STIM2: variants seen among roughly 807,000 people sequenced by gnomAD.
STIM2 encodes stromal interaction molecule 2.
A neutral mutation model predicts 85.8 loss-of-function variants in STIM2; 31 were observed. The ratio of observed to expected loss-of-function variants is 0.36; its 90% CI spans 0.27 to 0.49. The LOEUF (loss-of-function observed/expected upper bound fraction) is 0.49, where lower values mean the gene tolerates loss of function less well. Ranked by LOEUF, STIM2 falls within the 20% of genes least tolerant of loss-of-function variation. The pLI, the probability that STIM2 is intolerant of heterozygous loss-of-function variation, is 0.98. For synonymous variants in STIM2, 356 were observed against 331.1 expected (o/e 1.08, Z -0.82); for missense variants, 841 against 927.6 (o/e 0.91, Z 1.21).
chr4:26,872,499 C>A (rs1477302220), intron 1 of STIM2, among the ~76,000 whole-genome samples: 1 of 151,992 alleles, frequency 6.6e-6, no homozygotes, highest in African/African-American at 2.4e-5. Context: ...ACTTCAACAG[C>A]TAAAAATAAC....
At chr4:26,980,091 A>G (rs528490888) in intron 3 of STIM2, among the ~76,000 whole-genome samples, 2 of 152,314 alleles carry the variant, frequency 1.3e-5, no homozygotes, top group East Asian at 1.9e-4. Context: ...AATAGAATGC[A>G]AGGATCATAA....
chr4:26,897,667 A>G (rs1262359718), intron 1 of STIM2, among the ~76,000 whole-genome samples: 1 of 152,222 alleles, frequency 6.6e-6, no homozygotes, highest in African/African-American at 2.4e-5. Flanking sequence ...AGGACATTTG[A>G]AAACTGTAAC....
intron 3 of STIM2, among the ~76,000 whole-genome samples, chr4:26,963,849 A>T (rs2109098548): frequency 6.6e-6 from 1 of 152,350 alleles, no homozygotes; most frequent in South Asian, 2.1e-4. Flanking sequence ...AATAAGCATA[A>T]TTTACACAAG....
intron 3 of STIM2, among the ~76,000 whole-genome samples, chr4:26,963,800 A>C (rs1328714898): frequency 6.6e-6 from 1 of 152,236 alleles, no homozygotes; most frequent in East Asian, 1.9e-4. Flanking sequence ...ACAAGTTAGC[A>C]CATTAAAATG....
chr4:27,002,479 C>G (rs2109131776), intron 6 of STIM2, 85 bp downstream of exon 6: 1 of 1,056,552 alleles, frequency 9.5e-7, no homozygotes, highest in Non-Finnish European at 1.4e-6. Flanking sequence ...TAAATACTTA[C>G]ATTTAGGTTA....
intron 1 of STIM2, among the ~76,000 whole-genome samples, chr4:26,864,098 C>T (rs776868493): frequency 5.3e-4 from 81 of 152,048 alleles, no homozygotes; most frequent in Admixed American, 1.0e-3. Flanking sequence ...TACAAATCAT[C>T]CAAATAAACA....
At chr4:26,903,399 C>T (rs542043740) in intron 1 of STIM2, among the ~76,000 whole-genome samples, 13 of 152,186 alleles carry the variant, frequency 8.5e-5, no homozygotes, top group African/African-American at 2.9e-4. Context: ...ACTAGCTGAA[C>T]GGTTTTGTTA....
chr4:27,016,060 TC>T (rs1188950656), intron 10 of STIM2, among the ~76,000 whole-genome samples: 2 of 152,128 alleles, frequency 1.3e-5, no homozygotes, highest in Non-Finnish European at 2.9e-5. Context: ...AGATCTGCCT[TC>T]TAGCTTACTA....
At chr4:26,873,381 C>T (rs1160034026) in intron 1 of STIM2, among the ~76,000 whole-genome samples, 1 of 150,926 alleles carries the variant, frequency 6.6e-6, no homozygotes, top group Non-Finnish European at 1.5e-5. Flanking sequence ...GCCTGGGTGA[C>T]AGAGTGAGAC....
chr4:27,012,124 C>G (rs970606582), intron 10 of STIM2, among the ~76,000 whole-genome samples: 1 of 152,046 alleles, frequency 6.6e-6, no homozygotes, highest in Non-Finnish European at 1.5e-5. Flanking sequence ...TCCATAGATA[C>G]ATAAGTGCTC....
chr4:26,932,957 A>G (rs1725257570), intron 2 of STIM2, among the ~76,000 whole-genome samples: 1 of 152,330 alleles, frequency 6.6e-6, no homozygotes, highest in Non-Finnish European at 1.5e-5. Context: ...TAAAGAATCA[A>G]TGTGTACATG....
At chr4:26,938,026 TAATTTAAATAGCTTA>T (rs1049897786) in intron 2 of STIM2, among the ~76,000 whole-genome samples, 2 of 141,160 alleles carry the variant, frequency 1.4e-5, no homozygotes, top group East Asian at 1.9e-4. Context: ...AATAGCTTAA[TAATTTAAATAGCTTA>T]AATTTAAATA....
intron 2 of STIM2, among the ~76,000 whole-genome samples, chr4:26,937,516 A>C (rs1406538206): frequency 1.3e-5 from 2 of 152,210 alleles, no homozygotes; most frequent in Non-Finnish European, 2.9e-5. Flanking sequence ...TTTGATGAGT[A>C]CAGACCTGTT....
intron 1 of STIM2, among the ~76,000 whole-genome samples, chr4:26,910,484 AC>A (rs1277039468): frequency 6.6e-6 from 1 of 152,156 alleles, no homozygotes; most frequent in African/African-American, 2.4e-5. Flanking sequence ...AGATCATGCC[AC>A]TGCACTCCAG....
rs558219159 is a variant in STIM2 at position 26,991,941 on chromosome 4, T to G, written c.398-3438T>G. Among the ~76,000 whole-genome samples the G allele has an allele frequency of 1.7e-4, 26 of 152,176 alleles. No homozygotes were observed. The East Asian group carries it at 5.0e-3, about 30-fold the overall frequency. On this transcript the variant is annotated intron_variant, in intron 3 of 11. Coordinates refer to ENST00000467087, the MANE Select transcript of STIM2 (RefSeq NM_020860.4). Reference sequence around the variant, plus strand: ...GCTGGCATTTCTGTAGCTCTGCAGATTGGGAAAGATACCTTTAAAAGGAAT... The same window carrying G: ...GCTGGCATTTCTGTAGCTCTGCAGAGTGGGAAAGATACCTTTAAAAGGAAT...
rs73813261 is a variant in STIM2 at position 27,000,733 on chromosome 4, A to G, written c.625+1386A>G. The stretch of plus-strand genomic sequence containing the variant: ...ATGTTTGTCTTAGAATGGTTGAGTG[A>G]ATGTGCCCCATAGTCAGAACACTTA... On this transcript the variant is annotated intron_variant, in intron 5 of 11. Coordinates refer to ENST00000467087, the MANE Select transcript of STIM2 (RefSeq NM_020860.4). 2.9e-3 allele frequency among the ~76,000 whole-genome samples: 449 copies of G among 152,294 alleles called. 3 individuals are homozygous for G. The highest frequency in any genetic ancestry group is 0.01 in the African/African-American group (428 of 41,562).
intron 2 of STIM2, among the ~76,000 whole-genome samples, chr4:26,941,575 A>G (rs1050025082): frequency 5.3e-5 from 8 of 152,306 alleles, no homozygotes; most frequent in African/African-American, 1.9e-4. Context: ...AATGGGTTAT[A>G]GTTATTACCC....
intron 4 of STIM2, among the ~76,000 whole-genome samples, 169 bp downstream of exon 4, chr4:26,995,659 A>G (rs1727936023): frequency 1.3e-5 from 2 of 152,024 alleles, no homozygotes; most frequent in Non-Finnish European, 1.5e-5. Context: ...GTTTTAATCA[A>G]TTTTTCTTGT....
intron 1 of STIM2, among the ~76,000 whole-genome samples, chr4:26,895,101 A>G (rs185205801): frequency 8.9e-4 from 136 of 152,376 alleles, no homozygotes; most frequent in African/African-American, 3.0e-3. Flanking sequence ...AATCTCAGCT[A>G]TCCAGGAGGG....
Sources: allele counts gnomAD v4.1 joint callset (sites outside exome capture counted in the v4.1 genomes callset), GRCh38; gene constraint gnomAD v4.1.1; transcripts MANE v1.5; gene names NCBI Gene and HGNC (gene_info 2026-07-23, HGNC 2026-07-21).